ASCC1: variants seen among roughly 807,000 people sequenced by gnomAD.
ASCC1 encodes the protein ASC-1 complex subunit P50.
A neutral mutation model predicts 46.6 loss-of-function variants in ASCC1; 35 were observed. The ratio of observed to expected loss-of-function variants is 0.75; its 90% CI spans 0.57 to 0.99. The LOEUF (loss-of-function observed/expected upper bound fraction) is 0.99, where lower values mean the gene tolerates loss of function less well. Among genes scored for constraint, ASCC1 ranks in the 50% least tolerant of loss-of-function variants. ASCC1 has a pLI of 0.00. For synonymous variants in ASCC1, 143 were observed against 146.6 expected, an observed-to-expected ratio of 0.98 and a Z score of 0.18; for missense variants, 376 against 428.7, an observed-to-expected ratio of 0.88 and a Z score of 1.09.
At chr10:72,198,520 T>G (rs1855985641) in intron 4 of ASCC1, 3 of 455,424 alleles carry the variant, frequency 6.6e-6, no homozygotes, top group Middle Eastern at 3.3e-4. Flanking sequence ...CCAGACAGCC[T>G]AGGCAATTTA....
chr10:72,149,092 C>A (rs1209232576), intron 7 of ASCC1, among the ~76,000 whole-genome samples: 2 of 151,832 alleles, frequency 1.3e-5, no homozygotes, highest in Admixed American at 6.6e-5. Flanking sequence ...CCATGCCTAT[C>A]TTCTCACTAA....
intron 9 of ASCC1, among the ~76,000 whole-genome samples, chr10:72,110,654 G>A (rs1055417400): frequency 6.6e-6 from 1 of 152,194 alleles, no homozygotes; most frequent in African/African-American, 2.4e-5. Context: ...GGGCGTGGTG[G>A]CACGTGCCTG....
intron 4 of ASCC1, chr10:72,198,756 T>C (rs888564768): frequency 1.1e-5 from 5 of 450,070 alleles, no homozygotes; most frequent in African/African-American, 1.0e-4. Flanking sequence ...CAATTCAATT[T>C]ACTCTAACCA....
intron 3 of ASCC1, among the ~76,000 whole-genome samples, chr10:72,209,009 CA>C (rs1857642002): frequency 6.6e-6 from 1 of 151,734 alleles, no homozygotes; most frequent in South Asian, 2.1e-4. Flanking sequence ...ACCAAAAATA[CA>C]AAAAATTAGC....
At chr10:72,099,561 C>T (rs777315326) in intron 9 of ASCC1, among the ~76,000 whole-genome samples, 3 of 152,204 alleles carry the variant, frequency 2.0e-5, no homozygotes, top group Non-Finnish European at 4.4e-5. Flanking sequence ...TGACTCATGC[C>T]TGTAATCCCA....
chr10:72,137,879 T>C (rs75973624), intron 7 of ASCC1, among the ~76,000 whole-genome samples: 65 of 152,194 alleles, frequency 4.3e-4, no homozygotes, highest in African/African-American at 1.4e-3. Context: ...TTTTTTTTTT[T>C]CAGAGACAGG....
intron 8 of ASCC1, among the ~76,000 whole-genome samples, chr10:72,130,657 T>C (rs146380889): frequency 6.6e-6 from 1 of 152,336 alleles, no homozygotes; most frequent in Admixed American, 6.5e-5. Flanking sequence ...AGCTAATAAA[T>C]GTCTAATAAA....
At chr10:72,141,587 C>G (rs905185395) in intron 7 of ASCC1, among the ~76,000 whole-genome samples, 3 of 152,114 alleles carry the variant, frequency 2.0e-5, no homozygotes, top group African/African-American at 7.2e-5. Flanking sequence ...CTCTAGAAAG[C>G]TTATATTAAT....
chr10:72,123,111 G>A (rs1295084713), intron 9 of ASCC1, among the ~76,000 whole-genome samples: 3 of 152,140 alleles, frequency 2.0e-5, no homozygotes, highest in Admixed American at 6.5e-5. Context: ...GCCGAGGCAG[G>A]CAGATCACAA....
intron 9 of ASCC1, among the ~76,000 whole-genome samples, chr10:72,120,903 T>C (rs1043072572): frequency 3.0e-4 from 45 of 151,924 alleles, no homozygotes; most frequent in African/African-American, 9.7e-4. Flanking sequence ...AAATTATATA[T>C]AATGCTCAAA....
chr10:72,160,969 G>C (rs1357004173), intron 6 of ASCC1, among the ~76,000 whole-genome samples: 4 of 151,876 alleles, frequency 2.6e-5, no homozygotes, highest in African/African-American at 9.7e-5. Context: ...TGTAGTCCCA[G>C]CTACTCAGGA....
chr10:72,147,228 C>T (rs1847743266), intron 7 of ASCC1, among the ~76,000 whole-genome samples: 1 of 151,866 alleles, frequency 6.6e-6, no homozygotes, highest in African/African-American at 2.4e-5. Flanking sequence ...GTTGATTGCA[C>T]TAGTGGATTC....
intron 5 of ASCC1, among the ~76,000 whole-genome samples, chr10:72,169,987 T>C (rs975249826): frequency 1.3e-5 from 2 of 151,946 alleles, no homozygotes; most frequent in African/African-American, 2.4e-5. Context: ...GGGCATGGTA[T>C]CACGTGCCTG....
intron 6 of ASCC1, among the ~76,000 whole-genome samples, chr10:72,157,619 A>G (rs1849136344): frequency 6.6e-6 from 1 of 152,196 alleles, no homozygotes; most frequent in Non-Finnish European, 1.5e-5. Context: ...CTTTTGATGG[A>G]TCGAGAACCA....
chr10:72,215,121 A>G (rs1858940098), intron 1 of ASCC1, among the ~76,000 whole-genome samples: 1 of 152,170 alleles, frequency 6.6e-6, no homozygotes, highest in Admixed American at 6.6e-5. Flanking sequence ...GTTCAAGCCA[A>G]CGTGGGCGCG....
At chr10:72,146,017 G>T (rs1160033294) in intron 7 of ASCC1, among the ~76,000 whole-genome samples, 1 of 152,126 alleles carries the variant, frequency 6.6e-6, no homozygotes, top group African/African-American at 2.4e-5. Flanking sequence ...GCTCTTTCGT[G>T]CCTCTGTGAC....
chr10:72,137,274 A>G (rs1164630556), intron 7 of ASCC1, among the ~76,000 whole-genome samples: 2 of 151,862 alleles, frequency 1.3e-5, no homozygotes, highest in Non-Finnish European at 2.9e-5. Flanking sequence ...CACGCCTGTA[A>G]TCCCAGCACT....
At chr10:72,189,205 T>C (rs12247738) in intron 5 of ASCC1, among the ~76,000 whole-genome samples, 21,424 of 150,222 alleles carry the variant, frequency 0.14, 4,366 homozygotes, top group African/African-American at 0.45. Context: ...TCGAGACCAT[T>C]CTGGCTAACA....
At chr10:72,180,026 C>T (rs1852365817) in intron 5 of ASCC1, among the ~76,000 whole-genome samples, 1 of 152,170 alleles carries the variant, frequency 6.6e-6, no homozygotes, top group Admixed American at 6.5e-5. Flanking sequence ...CCTGTAATCT[C>T]GGCATTTTAG....
Sources: allele counts gnomAD v4.1 joint callset (sites outside exome capture counted in the v4.1 genomes callset), GRCh38; gene constraint gnomAD v4.1.1; transcripts MANE v1.5; gene names NCBI Gene and HGNC (gene_info 2026-07-23, HGNC 2026-07-21).